The following SAXO1 variants were observed in gnomAD, a reference collection of about 807,000 sequenced individuals.
The protein encoded by SAXO1 is 4930500O09Rik.
In SAXO1, 21 loss-of-function variants were observed where a neutral mutation model predicts 17.5. The ratio of observed to expected loss-of-function variants is 1.20; its 90% CI spans 0.85 to 1.72. The LOEUF is 1.72. Ranked by LOEUF, SAXO1 falls within the 40% of genes most tolerant of loss-of-function variation. SAXO1 has a pLI of 0.00. For missense variants in SAXO1, 843 were observed against 596.0 expected (o/e 1.41, Z -4.32); for synonymous variants, 274 against 216.5 (o/e 1.27, Z -2.33).
At chr9:18,987,153 A>G (rs1290029027) in intron 1 of SAXO1, among the ~76,000 whole-genome samples, 1 of 152,220 alleles carries the variant, frequency 6.6e-6, no homozygotes, top group Non-Finnish European at 1.5e-5. Context: ...CAGGTGATTA[A>G]CAAGGATGTT....
chr9:18,991,296 G>T (rs1833800199), intron 1 of SAXO1, among the ~76,000 whole-genome samples: 2 of 152,234 alleles, frequency 1.3e-5, no homozygotes, highest in South Asian at 4.1e-4. Context: ...ATTCACAAAA[G>T]CAAAAACTGG....
At chr9:18,933,046 T>A (rs1831123740) in intron 3 of SAXO1, among the ~76,000 whole-genome samples, 1 of 152,236 alleles carries the variant, frequency 6.6e-6, no homozygotes, top group Non-Finnish European at 1.5e-5. Flanking sequence ...TTGCACTAGC[T>A]AGAACCTCCA....
At chr9:19,007,333 A>G (rs1032079445) in intron 1 of SAXO1, among the ~76,000 whole-genome samples, 4 of 152,340 alleles carry the variant, frequency 2.6e-5, no homozygotes, top group Non-Finnish European at 5.9e-5. Context: ...GTCAAAGAGC[A>G]GAACTCCATC....
chr9:18,943,012 C>A (rs912946565), intron 2 of SAXO1, among the ~76,000 whole-genome samples: 2 of 152,246 alleles, frequency 1.3e-5, no homozygotes, highest in Non-Finnish European at 2.9e-5. Flanking sequence ...CAATAAAACC[C>A]ACTTCCTGGC....
Position 18,927,987 on chromosome 9 carries a change from C to T in SAXO1, c.*65G>A. 3 of 1,432,628 alleles carry T rather than the reference C, an allele frequency of 2.1e-6. No individual in the cohort carries two copies. Among genetic ancestry groups the T allele is most frequent in the Non-Finnish European group, 2.8e-6 (3 of 1,081,750 alleles). The allele number at this position is 1,432,628 out of a possible 1,614,324, so 88.7% of individuals were successfully genotyped here. A position where few individuals can be genotyped will look rare whatever the true frequency, so the allele number is the denominator to read the frequency against. ...TTTTAGGGAATTCTTTTTTGTCCAA[C>T]AAATAATTCTCAGTTGTCTGCTTTT... On this transcript the variant is annotated 3_prime_UTR_variant, in exon 4 of 4. Transcript: ENST00000380534.
intron 1 of SAXO1, among the ~76,000 whole-genome samples, chr9:19,046,982 T>G (rs894536662): frequency 6.6e-6 from 1 of 152,122 alleles, no homozygotes; most frequent in Non-Finnish European, 1.5e-5. Context: ...AGACCAGCAG[T>G]TTGAGACCAG....
intron 1 of SAXO1, among the ~76,000 whole-genome samples, chr9:18,999,158 G>A (rs565891291): frequency 6.6e-6 from 1 of 152,310 alleles, no homozygotes; most frequent in South Asian, 2.1e-4. Context: ...GACACAGACT[G>A]GCAAATTGGA....
intron 1 of SAXO1, among the ~76,000 whole-genome samples, chr9:19,029,140 T>G (rs1318955567): frequency 1.3e-5 from 2 of 152,200 alleles, no homozygotes; most frequent in East Asian, 1.9e-4. Flanking sequence ...GGACACCTTT[T>G]TATCCAGGCC....
chr9:18,960,662 A>G lies in SAXO1; in HGVS notation c.39-9725T>C, dbSNP rs186026580. Among the ~76,000 whole-genome samples the G allele has an allele frequency of 2.1e-3, 326 of 152,300 alleles. 1 individual carries two copies. The highest frequency in any genetic ancestry group is 7.6e-3 in the African/African-American group (316 of 41,556). On this transcript the variant is annotated intron_variant, in intron 1 of 3. Transcript: ENST00000380534. Reference sequence around the variant, plus strand: ...TCCAGGTGTGGTGGCATGTGCCTGTAGTCCCAGCTACTTGGGAAGCTAAGG... The same window carrying G: ...TCCAGGTGTGGTGGCATGTGCCTGTGGTCCCAGCTACTTGGGAAGCTAAGG...
chr9:18,957,649 A>T (rs1324764837), intron 1 of SAXO1, among the ~76,000 whole-genome samples: 1 of 152,174 alleles, frequency 6.6e-6, no homozygotes, highest in African/African-American at 2.4e-5. Context: ...CCAAACACCA[A>T]GTCATAAAAC....
intron 1 of SAXO1, among the ~76,000 whole-genome samples, chr9:19,025,352 A>C (rs912402180): frequency 2.0e-5 from 3 of 152,208 alleles, no homozygotes; most frequent in Non-Finnish European, 4.4e-5. Flanking sequence ...TGTAATATGA[A>C]ACCAAGTCCT....
At chr9:18,935,538 A>G (rs888541294) in intron 3 of SAXO1, among the ~76,000 whole-genome samples, 1 of 152,110 alleles carries the variant, frequency 6.6e-6, no homozygotes, top group African/African-American at 2.4e-5. Context: ...AGACTACTCA[A>G]CCAGGGATGA....
chr9:18,927,792 C>G lies in SAXO1; in HGVS notation c.*260G>C, dbSNP rs772542354. The G allele has an allele frequency of 1.3e-5, 5 of 380,334 alleles. No individual in the cohort carries two copies. Among genetic ancestry groups the G allele is most frequent in the Non-Finnish European group, 2.3e-5 (5 of 213,690 alleles). The allele number at this position is 380,334 out of a possible 1,614,324, so 23.6% of individuals were successfully genotyped here. The stretch of plus-strand genomic sequence containing the variant: ...AAACCCTCACAGACCAACTTTGATT[C>G]CATAAGCACAAAGTAAAGGACCTGA... On this transcript the variant is annotated 3_prime_UTR_variant, in exon 4 of 4. Transcript: ENST00000380534.
Position 18,932,337 on chromosome 9 carries a change from A to G in SAXO1, c.422-3282T>C, listed in dbSNP as rs183004190. Among the ~76,000 whole-genome samples, 657 of 152,362 alleles carry G rather than the reference A, an allele frequency of 4.3e-3. 6 individuals are homozygous for G. The highest frequency in any genetic ancestry group is 0.02 in the Middle Eastern group (6 of 294). On this transcript the variant is annotated intron_variant, in intron 3 of 3. Coordinates refer to ENST00000380534, the MANE Select transcript of SAXO1 (RefSeq NM_153707.4). ...GCATCTTTGTGAGAAGTTAACGACA[A>G]TAGACATAAAGGCTTATTTCTGTAC... is the stretch of plus-strand genomic sequence containing the variant.
chr9:19,013,828 T>C (rs949621205), intron 1 of SAXO1, among the ~76,000 whole-genome samples: 1 of 152,082 alleles, frequency 6.6e-6, no homozygotes, highest in Admixed American at 6.6e-5. Context: ...ATTACAGGTG[T>C]GAGGCGCCAC....
chr9:18,998,703 G>C (rs1200507954), intron 1 of SAXO1, among the ~76,000 whole-genome samples: 2 of 152,098 alleles, frequency 1.3e-5, no homozygotes, highest in Admixed American at 6.5e-5. Context: ...AATGTTAAGG[G>C]CACCCAGAGA....
chr9:18,957,309 A>G (rs1832293889), intron 1 of SAXO1, among the ~76,000 whole-genome samples: 1 of 152,260 alleles, frequency 6.6e-6, no homozygotes, highest in African/African-American at 2.4e-5. Context: ...AATCAGGGAA[A>G]TAAAATGGAA....
chr9:18,963,326 T>C (rs1441453855), intron 1 of SAXO1, among the ~76,000 whole-genome samples: 1 of 152,234 alleles, frequency 6.6e-6, no homozygotes, highest in Non-Finnish European at 1.5e-5. Flanking sequence ...AGTCGTTTTT[T>C]CTAATTCTGT....
chr9:18,935,512 A>G (rs1247059755), intron 3 of SAXO1, among the ~76,000 whole-genome samples: 1 of 152,172 alleles, frequency 6.6e-6, no homozygotes, highest in Non-Finnish European at 1.5e-5. Context: ...AGCCTTGCCC[A>G]TGTGCACAGC....
Sources: allele counts gnomAD v4.1 joint callset (sites outside exome capture counted in the v4.1 genomes callset), GRCh38; gene constraint gnomAD v4.1.1; transcripts MANE v1.5; gene names NCBI Gene and HGNC (gene_info 2026-07-23, HGNC 2026-07-21).